Variants in TBXAS1 observed in about 807,000 individuals in gnomAD.
TBXAS1 encodes thromboxane-A synthase.
A neutral mutation model predicts 60.7 loss-of-function variants in TBXAS1; 48 were observed. The ratio of observed to expected loss-of-function variants is 0.79; its 90% confidence interval spans 0.63 to 1.01. TBXAS1 has a LOEUF of 1.01. TBXAS1 is among the 50% of genes least tolerant of loss of function. The probability of loss-of-function intolerance (pLI) is 0.00; values close to 1 mark genes in which losing one functional copy is unlikely to be tolerated. For synonymous variants in TBXAS1, 287 were observed against 269.7 expected (o/e 1.06, Z -0.63); for missense variants, 685 against 686.3 (o/e 1.00, Z 0.02).
Position 139,864,127 on chromosome 7 carries a change from G to T in TBXAS1, c.90-8108G>T, listed in dbSNP as rs187542031. On this transcript the variant is annotated intron_variant, in intron 1 of 12. Coordinates refer to ENST00000448866, the MANE Select transcript of TBXAS1 (RefSeq NM_001061.7). ...CAAAAGGATTAAAAAGAAAGAGAAT[G>T]GACTGATATTATTTGCATAAAACAT... Among the ~76,000 whole-genome samples, 417 of 151,996 alleles carry T rather than the reference G, an allele frequency of 2.7e-3. 4 individuals carry two copies. Among genetic ancestry groups the T allele is most frequent in the African/African-American group, 9.6e-3 (398 of 41,452 alleles).
At chr7:139,803,990 C>G (rs1465865133) in intron 4 of TBXAS1, among the ~76,000 whole-genome samples, 2 of 152,206 alleles carry the variant, frequency 1.3e-5, no homozygotes, top group East Asian at 3.8e-4. Context: ...GGAGTCCCCT[C>G]TAGGGCACTG....
intron 5 of TBXAS1, among the ~76,000 whole-genome samples, chr7:139,937,848 C>T (rs1279736727): frequency 2.6e-5 from 4 of 151,268 alleles, no homozygotes; most frequent in Admixed American, 2.6e-4. Flanking sequence ...TGCTCGGAGG[C>T]CACGTAGGAC....
chr7:139,810,107 G>A (rs919529072), intron 4 of TBXAS1, among the ~76,000 whole-genome samples: 1 of 151,692 alleles, frequency 6.6e-6, no homozygotes, highest in Non-Finnish European at 1.5e-5. Context: ...TGTGATCTCG[G>A]CTCACTGCAA....
intron 9 of TBXAS1, among the ~76,000 whole-genome samples, chr7:139,971,030 C>T (rs1382722559): frequency 6.6e-6 from 1 of 152,100 alleles, no homozygotes; most frequent in Non-Finnish European, 1.5e-5. Context: ...GTCTCTGATG[C>T]CATTTCTTTG....
intron 5 of TBXAS1, among the ~76,000 whole-genome samples, chr7:139,950,267 T>C (rs997609815): frequency 3.8e-4 from 58 of 151,946 alleles, no homozygotes; most frequent in Non-Finnish European, 5.6e-4. Flanking sequence ...AACTCCTGAC[T>C]TCAAGTGATC....
chr7:139,984,737 A>G (rs1307889002), intron 9 of TBXAS1, among the ~76,000 whole-genome samples: 1 of 144,982 alleles, frequency 6.9e-6, no homozygotes, highest in South Asian at 2.3e-4. Flanking sequence ...AAAGAAAGAA[A>G]GAAGAAAAAG....
intron 9 of TBXAS1, among the ~76,000 whole-genome samples, chr7:139,986,465 C>T (rs1182037110): frequency 6.6e-6 from 1 of 151,934 alleles, no homozygotes; most frequent in African/African-American, 2.4e-5. Context: ...GCACCCATCA[C>T]CCAAGCAGTA....
chr7:139,969,040 T>A lies in TBXAS1; in HGVS notation c.1134+6807T>A, dbSNP rs113739196. Among the ~76,000 whole-genome samples, 1,386 of 152,372 alleles carry A rather than the reference T, an allele frequency of 9.1e-3. 14 individuals carry two copies. The highest frequency in any genetic ancestry group is 0.02 in the Middle Eastern group (6 of 294). The stretch of plus-strand genomic sequence containing the variant: ...CTATGTTGAAATTATTGACTTTTGA[T>A]CTGGCTAAACCATTCTCTTTTCTTC... On this transcript the variant is annotated intron_variant, in intron 9 of 12. Coordinates refer to ENST00000448866, the MANE Select transcript of TBXAS1 (RefSeq NM_001061.7).
chr7:139,968,590 C>T (rs1237026554), intron 9 of TBXAS1, among the ~76,000 whole-genome samples: 6 of 152,204 alleles, frequency 3.9e-5, no homozygotes, highest in African/African-American at 7.2e-5. Flanking sequence ...CCACCGCGCC[C>T]GGCTTCAATC....
chr7:140,014,371 G>A (rs1250546355), intron 10 of TBXAS1, among the ~76,000 whole-genome samples: 1 of 152,206 alleles, frequency 6.6e-6, no homozygotes, highest in Non-Finnish European at 1.5e-5. Flanking sequence ...CCAGGGAAGA[G>A]GCCGGGTCTG....
intron 1 of TBXAS1, among the ~76,000 whole-genome samples, chr7:139,840,820 T>A (rs1463241920): frequency 6.6e-6 from 1 of 152,130 alleles, no homozygotes; most frequent in Non-Finnish European, 1.5e-5. Flanking sequence ...CACAGCTGTC[T>A]GGCAAGGTGG....
At chr7:139,841,883 T>A (rs893970199) in intron 1 of TBXAS1, among the ~76,000 whole-genome samples, 2 of 152,238 alleles carry the variant, frequency 1.3e-5, no homozygotes, top group Non-Finnish European at 2.9e-5. Context: ...TTTGTGGGAA[T>A]GGCACTTGGT....
chr7:139,780,328 A>G (rs1796943365), intron 1 of TBXAS1, among the ~76,000 whole-genome samples: 1 of 152,216 alleles, frequency 6.6e-6, no homozygotes, highest in African/African-American at 2.4e-5. Context: ...TGTGGCTAGT[A>G]TGACTGAGGA....
intron 12 of TBXAS1, among the ~76,000 whole-genome samples, chr7:140,019,283 A>G (rs899744194): frequency 6.6e-6 from 1 of 152,150 alleles, no homozygotes; most frequent in Non-Finnish European, 1.5e-5. Flanking sequence ...GCAGAGCCAA[A>G]CCAAGTGAGG....
chr7:139,859,027 A>G (rs1433674889), intron 1 of TBXAS1, among the ~76,000 whole-genome samples: 1 of 151,260 alleles, frequency 6.6e-6, no homozygotes, highest in African/African-American at 2.4e-5. Context: ...CGCCAGAATT[A>G]ACCATGCCCG....
intron 1 of TBXAS1, among the ~76,000 whole-genome samples, chr7:139,841,417 A>G (rs768258474): frequency 5.3e-5 from 8 of 152,174 alleles, no homozygotes; most frequent in Non-Finnish European, 1.0e-4. Flanking sequence ...GTTTAGAAAT[A>G]CATTTTAAAG....
chr7:139,947,806 C>G (rs1320102871), intron 5 of TBXAS1, among the ~76,000 whole-genome samples: 1 of 152,102 alleles, frequency 6.6e-6, no homozygotes, highest in African/African-American at 2.4e-5. Flanking sequence ...TGCACTGCAA[C>G]CCCGGTCTTA....
chr7:139,914,072 C>T (rs1252198943), intron 4 of TBXAS1: 1 of 150,972 alleles, frequency 6.6e-6, no homozygotes, highest in African/African-American at 2.5e-5. Flanking sequence ...CTCTGTCACC[C>T]AGGCTGGAGT....
At chr7:139,917,354 C>T (rs1312345803) in intron 4 of TBXAS1, among the ~76,000 whole-genome samples, 1 of 152,172 alleles carries the variant, frequency 6.6e-6, no homozygotes, top group Non-Finnish European at 1.5e-5. Flanking sequence ...TTAATTTCCC[C>T]CTCTTCTAAG....
Sources: gnomAD v4.1 joint callset for allele counts (sites outside exome capture counted in the v4.1 genomes callset) on GRCh38, gnomAD v4.1.1 for gene constraint, MANE v1.5 for transcripts, NCBI Gene and HGNC (gene_info 2026-07-23, HGNC 2026-07-21) for gene names.